The following NEGR1 variants were observed in gnomAD, a reference collection of about 807,000 sequenced individuals.
NEGR1 encodes the protein IgLON family member 4.
NEGR1 carries 10 observed loss-of-function variants against 40.9 expected under a neutral mutation model. The ratio of observed to expected loss-of-function variants is 0.24; its 90% CI spans 0.15 to 0.42. NEGR1 has a LOEUF of 0.42. Ranked by LOEUF, NEGR1 falls within the 10% of genes least tolerant of loss-of-function variation. The pLI is 1.00. For synonymous variants in NEGR1, 185 were observed against 166.8 expected (o/e 1.11, Z -0.84); for missense variants, 352 against 438.9 (o/e 0.80, Z 1.77).
intron 1 of NEGR1, among the ~76,000 whole-genome samples, chr1:72,224,061 A>G (rs1316197913): frequency 6.6e-6 from 1 of 152,162 alleles, no homozygotes; most frequent in Non-Finnish European, 1.5e-5. Flanking sequence ...ACAACATCAC[A>G]GTTGCATGAC....
At chr1:71,793,395 C>A (rs1657191963) in intron 2 of NEGR1, among the ~76,000 whole-genome samples, 1 of 147,002 alleles carries the variant, frequency 6.8e-6, no homozygotes, top group South Asian at 2.2e-4. Context: ...AGGCATGAGC[C>A]ACCACGCCCG....
At chr1:71,711,246 G>T (rs138562606) in intron 3 of NEGR1, among the ~76,000 whole-genome samples, 2,694 of 149,806 alleles carry the variant, frequency 0.018, 81 homozygotes, top group African/African-American at 0.063. Context: ...GCGGGAGGCT[G>T]AGGCAGGAGA....
chr1:71,963,945 T>C (rs1646189431), intron 1 of NEGR1, among the ~76,000 whole-genome samples: 1 of 152,168 alleles, frequency 6.6e-6, no homozygotes, highest in Admixed American at 6.6e-5. Flanking sequence ...AGGAATCATT[T>C]TTCTACATTA....
chr1:72,150,835 C>T (rs527698286), intron 1 of NEGR1, among the ~76,000 whole-genome samples: 16 of 152,092 alleles, frequency 1.1e-4, no homozygotes, highest in Admixed American at 2.0e-4. Context: ...TTTGCAATGT[C>T]ATTCTACAAC....
intron 1 of NEGR1, among the ~76,000 whole-genome samples, chr1:72,188,979 G>T (rs1275583044): frequency 7.9e-5 from 12 of 151,386 alleles, no homozygotes; most frequent in Admixed American, 4.6e-4. Context: ...CCATTAGGAA[G>T]AATCTTTTTC....
chr1:71,873,650 T>C (rs1192160472), intron 2 of NEGR1, among the ~76,000 whole-genome samples: 1 of 152,194 alleles, frequency 6.6e-6, no homozygotes, highest in Non-Finnish European at 1.5e-5. Flanking sequence ...TAGTAACTTT[T>C]TCTAGTTTTC....
chr1:72,121,824 C>T (rs191339696), intron 1 of NEGR1, among the ~76,000 whole-genome samples: 42 of 151,980 alleles, frequency 2.8e-4, no homozygotes, highest in Non-Finnish European at 3.4e-4. Context: ...AGGTGAATTG[C>T]GTCTCATTGT....
At chr1:71,786,762 C>T (rs1037734259) in intron 2 of NEGR1, among the ~76,000 whole-genome samples, 1 of 152,192 alleles carries the variant, frequency 6.6e-6, no homozygotes, top group African/African-American at 2.4e-5. Flanking sequence ...CTCCCCTTCC[C>T]CACCTCATAT....
chr1:72,170,317 T>C (rs749179426), intron 1 of NEGR1, among the ~76,000 whole-genome samples: 2 of 152,202 alleles, frequency 1.3e-5, no homozygotes, highest in Non-Finnish European at 2.9e-5. Context: ...CTCATTCTTA[T>C]TGTTTTCCCT....
At chr1:71,789,826 C>G (rs1364240422) in intron 2 of NEGR1, among the ~76,000 whole-genome samples, 1 of 152,038 alleles carries the variant, frequency 6.6e-6, no homozygotes, top group Non-Finnish European at 1.5e-5. Context: ...ATAAGCCAAA[C>G]CAACCCCTTC....
At chr1:72,254,755 T>C (rs1273331413) in intron 1 of NEGR1, among the ~76,000 whole-genome samples, 1 of 150,488 alleles carries the variant, frequency 6.6e-6, no homozygotes, top group Non-Finnish European at 1.5e-5. Context: ...TATTTTTCAA[T>C]AGCCAGGACA....
intron 1 of NEGR1, among the ~76,000 whole-genome samples, chr1:72,145,319 A>T (rs1163112836): frequency 6.6e-6 from 1 of 152,136 alleles, no homozygotes; most frequent in African/African-American, 2.4e-5. Context: ...TCATTAAAGT[A>T]TTCCCATGTA....
At chr1:71,483,647 G>A (rs1355187059) in intron 6 of NEGR1, among the ~76,000 whole-genome samples, 2 of 151,700 alleles carry the variant, frequency 1.3e-5, no homozygotes, top group Non-Finnish European at 2.9e-5. Context: ...TGGCTGCCAG[G>A]TGTGCCCTAA....
At chr1:72,066,239 G>A (rs1257585479) in intron 1 of NEGR1, among the ~76,000 whole-genome samples, 1 of 152,198 alleles carries the variant, frequency 6.6e-6, no homozygotes, top group East Asian at 1.9e-4. Flanking sequence ...GCCGATAAGT[G>A]GTGGAGCTGG....
At chr1:72,022,282 T>C (rs1569838605) in intron 1 of NEGR1, among the ~76,000 whole-genome samples, 1 of 114,428 alleles carries the variant, frequency 8.7e-6, no homozygotes, top group African/African-American at 3.3e-5. Context: ...TATATATATA[T>C]ATATATATAT....
intron 1 of NEGR1, among the ~76,000 whole-genome samples, chr1:72,029,870 T>C (rs893545186): frequency 6.6e-6 from 1 of 152,234 alleles, no homozygotes; most frequent in African/African-American, 2.4e-5. Flanking sequence ...TCAGTTTTTA[T>C]GCCCCATCTA....
intron 4 of NEGR1, among the ~76,000 whole-genome samples, chr1:71,632,295 AAT>A (rs1650993727): frequency 6.6e-6 from 1 of 151,254 alleles, no homozygotes; most frequent in Non-Finnish European, 1.5e-5. Flanking sequence ...AATATATGTG[AAT>A]ATTTTAATAA....
chr1:71,858,719 G>A (rs998466339), intron 2 of NEGR1, among the ~76,000 whole-genome samples: 1 of 151,902 alleles, frequency 6.6e-6, no homozygotes, highest in Non-Finnish European at 1.5e-5. Flanking sequence ...GATGGTTATT[G>A]GGGAAAAGTT....
At chr1:71,784,716 T>C (rs1570343069) in intron 2 of NEGR1, among the ~76,000 whole-genome samples, 1 of 152,210 alleles carries the variant, frequency 6.6e-6, no homozygotes, top group African/African-American at 2.4e-5. Flanking sequence ...CTCTAATGCA[T>C]GGATTATGCA....
Sources: gnomAD v4.1 joint callset for allele counts (sites outside exome capture counted in the v4.1 genomes callset) on GRCh38, gnomAD v4.1.1 for gene constraint, MANE v1.5 for transcripts, NCBI Gene and HGNC (gene_info 2026-07-23, HGNC 2026-07-21) for gene names.